IGF1R: variants seen among roughly 807,000 people sequenced by gnomAD.
IGF1R encodes insulin-like growth factor 1 receptor.
A neutral mutation model predicts 144.6 loss-of-function variants in IGF1R; 44 were observed. That is an observed-to-expected ratio of 0.30 (90% CI 0.24 to 0.39). The LOEUF is 0.39. IGF1R is among the 10% of genes least tolerant of loss of function. The pLI, the probability that IGF1R is intolerant of heterozygous loss-of-function variation, is 1.00. For missense variants in IGF1R, 1,355 were observed against 1,833.7 expected, an observed-to-expected ratio of 0.74 and a Z score of 4.77; for synonymous variants, 795 against 722.8, an observed-to-expected ratio of 1.10 and a Z score of -1.60.
rs188857649 is a variant in IGF1R at position 98,957,257 on chromosome 15, C to A, written c.3919C>A (p.Pro1307Thr). ...PENMESVPLD[P>T]SASSSSLPLP... is the part of the protein sequence containing the mutation. Reference sequence around the variant, plus strand: ...GAACATGGAGAGCGTCCCCCTGGACCCCTCGGCCTCCTCGTCCTCCCTGCC... The same window carrying A: ...GAACATGGAGAGCGTCCCCCTGGACACCTCGGCCTCCTCGTCCTCCCTGCC... The change falls in exon 21 of 21, where the codon CCC (proline) becomes ACC (threonine). Residue 1307 changes from proline (P) to threonine (T), a missense_variant. Pro to Thr is a conservative substitution (Grantham distance 38). Around this residue, in one of 7 missense-constraint regions of IGF1R, gnomAD observed 219 missense variants for 188.8 expected, o/e 1.16. Coordinates refer to ENST00000650285, the MANE Select transcript of IGF1R (RefSeq NM_000875.5). The A allele has an allele frequency of 6.2e-7, 1 of 1,614,114 alleles. No homozygotes were observed. Among genetic ancestry groups the A allele is most frequent in the Non-Finnish European group, 8.5e-7 (1 of 1,180,022 alleles).
chr15:98,951,482 A>G (rs2016771742), intron 20 of IGF1R, among the ~76,000 whole-genome samples: 1 of 152,210 alleles, frequency 6.6e-6, no homozygotes, highest in South Asian at 2.1e-4. Context: ...ACTACCCAAA[A>G]CCTACTAGTT....
intron 8 of IGF1R, among the ~76,000 whole-genome samples, chr15:98,914,517 C>G (rs1319303531): frequency 6.6e-6 from 1 of 152,208 alleles, no homozygotes; most frequent in East Asian, 1.9e-4. Flanking sequence ...GGGTAAAGTG[C>G]TTATTGAAAC....
chr15:98,677,324 G>A (rs1481977104), intron 1 of IGF1R, among the ~76,000 whole-genome samples: 1 of 152,108 alleles, frequency 6.6e-6, no homozygotes, highest in Non-Finnish European at 1.5e-5. Context: ...CCAATTTGTT[G>A]ATTGCTCTTA....
At chr15:98,948,730 C>T (rs748306433) in intron 20 of IGF1R, 22 bp downstream of exon 20, 18 of 1,613,354 alleles carry the variant, frequency 1.1e-5, no homozygotes, top group Middle Eastern at 1.6e-4. Context: ...CTGGGCCCTC[C>T]GTGCTCTTCT....
chr15:98,665,238 A>C (rs1164472550), intron 1 of IGF1R, among the ~76,000 whole-genome samples: 1 of 152,154 alleles, frequency 6.6e-6, no homozygotes, highest in Admixed American at 6.5e-5. Flanking sequence ...GGCGTGAGCC[A>C]CCGCGCCCGG....
intron 2 of IGF1R, among the ~76,000 whole-genome samples, chr15:98,730,286 C>A (rs2054468277): frequency 6.6e-6 from 1 of 151,836 alleles, no homozygotes; most frequent in African/African-American, 2.4e-5. Flanking sequence ...CACCATGATC[C>A]CAGGACAGAA....
chr15:98,828,338 G>A (rs888271187), intron 2 of IGF1R, among the ~76,000 whole-genome samples: 5 of 152,082 alleles, frequency 3.3e-5, no homozygotes, highest in African/African-American at 1.2e-4. Context: ...AAAAGCCACT[G>A]CAAGCCCTCT....
At chr15:98,708,799 T>C (rs2053926505) in intron 2 of IGF1R, among the ~76,000 whole-genome samples, 1 of 152,370 alleles carries the variant, frequency 6.6e-6, no homozygotes, top group Non-Finnish European at 1.5e-5. Flanking sequence ...GTTTTCGTTC[T>C]TTTATACCTG....
chr15:98,802,265 T>C (rs1296146612), intron 2 of IGF1R, among the ~76,000 whole-genome samples: 1 of 152,216 alleles, frequency 6.6e-6, no homozygotes, highest in African/African-American at 2.4e-5. Context: ...GGATAATAAC[T>C]ACTATATCCA....
At chr15:98,951,625 C>T (rs1204426308) in intron 20 of IGF1R, among the ~76,000 whole-genome samples, 1 of 152,238 alleles carries the variant, frequency 6.6e-6, no homozygotes, top group East Asian at 1.9e-4. Flanking sequence ...GGGCTGCAGT[C>T]ATCTGAAGGC....
chr15:98,949,987 GAC>G (rs1285504563), intron 20 of IGF1R, among the ~76,000 whole-genome samples: 5 of 152,212 alleles, frequency 3.3e-5, no homozygotes, highest in Non-Finnish European at 5.9e-5. Flanking sequence ...CCTTGCTTTT[GAC>G]ATGCACTTTA....
chr15:98,802,600 T>C (rs1027154453), intron 2 of IGF1R, among the ~76,000 whole-genome samples: 14 of 152,258 alleles, frequency 9.2e-5, no homozygotes, highest in Non-Finnish European at 1.9e-4. Flanking sequence ...GTTGCTTGTA[T>C]GCACGAATTC....
intron 3 of IGF1R, among the ~76,000 whole-genome samples, chr15:98,893,916 AT>A (rs1567182187): frequency 6.6e-6 from 1 of 152,224 alleles, no homozygotes; most frequent in Non-Finnish European, 1.5e-5. Context: ...ACTTTGAAAT[AT>A]TTAATTTTTT....
intron 2 of IGF1R, among the ~76,000 whole-genome samples, chr15:98,748,021 A>G (rs1372029770): frequency 6.6e-6 from 1 of 152,162 alleles, no homozygotes; most frequent in Non-Finnish European, 1.5e-5. Flanking sequence ...AAAGAGATAA[A>G]TTACCTTTTG....
intron 2 of IGF1R, among the ~76,000 whole-genome samples, chr15:98,863,509 A>G (rs1023907704): frequency 6.6e-6 from 1 of 152,180 alleles, no homozygotes; most frequent in Non-Finnish European, 1.5e-5. Context: ...TGTTTTCTAC[A>G]CTTAGTAATT....
At chr15:98,787,606 G>A (rs2056029000) in intron 2 of IGF1R, among the ~76,000 whole-genome samples, 3 of 151,492 alleles carry the variant, frequency 2.0e-5, no homozygotes, top group African/African-American at 4.9e-5. Flanking sequence ...TTAAAACAGA[G>A]ACCTTAAAAC....
intron 2 of IGF1R, among the ~76,000 whole-genome samples, chr15:98,883,227 T>C (rs1282044965): frequency 6.6e-6 from 1 of 152,234 alleles, no homozygotes; most frequent in Non-Finnish European, 1.5e-5. Flanking sequence ...TTCCACATAA[T>C]GGCTGCAGCT....
chr15:98,665,341 C>T (rs2052710923), intron 1 of IGF1R, among the ~76,000 whole-genome samples: 1 of 152,206 alleles, frequency 6.6e-6, no homozygotes, highest in Non-Finnish European at 1.5e-5. Flanking sequence ...CCCTGTCTCC[C>T]TCCTGACTCT....
intron 2 of IGF1R, among the ~76,000 whole-genome samples, chr15:98,814,070 G>A (rs1440827321): frequency 6.6e-6 from 1 of 152,158 alleles, no homozygotes; most frequent in Non-Finnish European, 1.5e-5. Flanking sequence ...TAAATTGTGG[G>A]ATAATTGAGG....
Sources: allele counts gnomAD v4.1 joint callset (sites outside exome capture counted in the v4.1 genomes callset), GRCh38; gene constraint gnomAD v4.1.1; regional missense constraint gnomAD v4.1.1; transcripts MANE v1.5; gene names NCBI Gene and HGNC (gene_info 2026-07-23, HGNC 2026-07-21).